The following CDH7 variants were observed in gnomAD, a reference collection of about 807,000 sequenced individuals.
CDH7 encodes the protein cadherin-7.
In CDH7, 25 loss-of-function variants were observed where a neutral mutation model predicts 71.8. The ratio of observed to expected loss-of-function variants is 0.35; its 90% CI spans 0.25 to 0.49. The LOEUF is 0.49. Among genes scored for constraint, CDH7 ranks in the 20% least tolerant of loss-of-function variants. CDH7 has a pLI of 0.99. For synonymous variants in CDH7, 381 were observed against 363.8 expected (o/e 1.05, Z -0.54); for missense variants, 862 against 974.6 (o/e 0.88, Z 1.54).
At chr18:65,871,392 AG>A (rs945395058) in intron 11 of CDH7, among the ~76,000 whole-genome samples, 8 of 152,174 alleles carry the variant, frequency 5.3e-5, no homozygotes, top group African/African-American at 1.9e-4. Context: ...GGCAAGGAGA[AG>A]TAAAGGATCT....
chr18:65,801,501 A>T (rs534713448), intron 2 of CDH7, among the ~76,000 whole-genome samples: 1 of 152,230 alleles, frequency 6.6e-6, no homozygotes, highest in Non-Finnish European at 1.5e-5. Flanking sequence ...CTAAATAAAT[A>T]TTACCGAATA....
chr18:65,766,328 A>T (rs546554003), intron 2 of CDH7, among the ~76,000 whole-genome samples: 1 of 152,152 alleles, frequency 6.6e-6, no homozygotes, highest in South Asian at 2.1e-4. Context: ...TTTGATCATT[A>T]AGACATTGAA....
intron 7 of CDH7, among the ~76,000 whole-genome samples, chr18:65,847,747 C>A (rs1912982256): frequency 6.6e-6 from 1 of 152,092 alleles, no homozygotes; most frequent in Non-Finnish European, 1.5e-5. Context: ...AAAACCCAAA[C>A]CCCAGTAACT....
At chr18:65,876,326 A>C (rs2144064676) in intron 11 of CDH7, among the ~76,000 whole-genome samples, 1 of 152,246 alleles carries the variant, frequency 6.6e-6, no homozygotes, top group South Asian at 2.1e-4. Flanking sequence ...TAGCACTCTA[A>C]CTTCTTTTGT....
chr18:65,770,920 T>C (rs891166171), intron 2 of CDH7, among the ~76,000 whole-genome samples: 2 of 152,174 alleles, frequency 1.3e-5, no homozygotes, highest in African/African-American at 4.8e-5. Flanking sequence ...ATTAGATAAC[T>C]TAAACAATAG....
intron 6 of CDH7, among the ~76,000 whole-genome samples, chr18:65,834,247 A>G (rs1433931340): frequency 6.6e-6 from 1 of 152,238 alleles, no homozygotes; most frequent in Non-Finnish European, 1.5e-5. Context: ...GGAGATGTGT[A>G]GGATGGCTTG....
chr18:65,801,605 A>C (rs751094707), intron 2 of CDH7, among the ~76,000 whole-genome samples: 1 of 152,180 alleles, frequency 6.6e-6, no homozygotes, highest in Non-Finnish European at 1.5e-5. Flanking sequence ...TGAATGGCTA[A>C]GTCACCATCT....
chr18:65,762,726 C>A lies in CDH7; in HGVS notation c.-117C>A. 1 of 741,012 alleles carries A rather than the reference C, an allele frequency of 1.3e-6. No homozygotes were observed. Among genetic ancestry groups the A allele is most frequent in the South Asian group, 1.9e-5 (1 of 53,014 alleles). The allele number at this position is 741,012 out of a possible 1,614,324, so 45.9% of individuals were successfully genotyped here. A position where few individuals can be genotyped will look rare whatever the true frequency, so the allele number is the denominator to read the frequency against. On this transcript the variant is annotated 5_prime_UTR_variant, in exon 2 of 12. Transcript: ENST00000397968. ...AATCCAACACTCTACAGATTATTAT[C>A]TCTGGACTCCCAGCTGACACCCTGC...
intron 2 of CDH7, among the ~76,000 whole-genome samples, chr18:65,776,509 G>A (rs1410309698): frequency 6.6e-6 from 1 of 151,972 alleles, no homozygotes; most frequent in Non-Finnish European, 1.5e-5. Context: ...GAGTTTCCCA[G>A]GAGGCAAGAG....
intron 2 of CDH7, among the ~76,000 whole-genome samples, chr18:65,776,486 A>T (rs1199845345): frequency 6.6e-6 from 1 of 152,054 alleles, no homozygotes; most frequent in Non-Finnish European, 1.5e-5. Context: ...CTGAAAGCTA[A>T]TGAAATCCTT....
chr18:65,860,827 A>G (rs1886944792), intron 10 of CDH7, among the ~76,000 whole-genome samples: 1 of 152,196 alleles, frequency 6.6e-6, no homozygotes. Context: ...AAAAAATTTC[A>G]ATCTCAAAAA....
intron 1 of CDH7, among the ~76,000 whole-genome samples, chr18:65,761,029 G>T (rs1916175733): frequency 1.3e-5 from 2 of 152,144 alleles, no homozygotes. Context: ...GCCCTCTAGG[G>T]TGGTTTCTAA....
At position 65,800,979 on chromosome 18, in the gene CDH7, C is replaced by T. The variant is rs77780256; in HGVS notation, c.211-8725C>T. On this transcript the variant is annotated intron_variant, in intron 2 of 11. Transcript: ENST00000397968. Reference sequence around the variant, plus strand: ...TTCTTTAAAAAGCACTTCCCTGAACCCCGGGCTCAGCTTGGTTTTCCTGCC... The same window carrying T: ...TTCTTTAAAAAGCACTTCCCTGAACTCCGGGCTCAGCTTGGTTTTCCTGCC... 8.2e-3 allele frequency among the ~76,000 whole-genome samples: 1,250 copies of T among 152,232 alleles called. 14 individuals carry two copies. The highest frequency in any genetic ancestry group is 0.028 in the African/African-American group (1,167 of 41,534).
intron 7 of CDH7, among the ~76,000 whole-genome samples, chr18:65,851,014 G>T (rs1258202432): frequency 6.6e-6 from 1 of 151,890 alleles, no homozygotes; most frequent in African/African-American, 2.4e-5. Flanking sequence ...ATGTTGCCTA[G>T]GCTGGTCTCT....
chr18:65,880,517 G>T lies in CDH7; in HGVS notation c.1981G>T (p.Glu661Ter). 1 of 1,613,294 alleles carries T rather than the reference G, an allele frequency of 6.2e-7. No homozygotes were observed. Among genetic ancestry groups the T allele is most frequent in the Non-Finnish European group, 8.5e-7 (1 of 1,179,826 alleles). The change falls in exon 12 of 12, where the codon GAG (glutamate) becomes TAG (stop). Residue 661 changes from glutamate (E) to a stop codon, truncating the protein, a stop_gained. Transcript: ENST00000397968. LOFTEE classifies it high-confidence loss of function. ...VRYDDEGGGEEDTEAFDMAAL... is the reference protein window; with the variant it reads ...VRYDDEGGGE ...ATACGATGACGAGGGCGGGGGAGAG[G>T]AGGACACGGAAGCGTTTGACATGGC...
At chr18:65,781,850 C>CTTTCT (rs1568181610) in intron 2 of CDH7, among the ~76,000 whole-genome samples, 2 of 91,070 alleles carry the variant, frequency 2.2e-5, no homozygotes, top group East Asian at 5.4e-4. Context: ...TTCTTTCTTT[C>CTTTCT]TTTCTTTCTT....
In CDH7 at chr18:65,824,782, A is replaced by G. The variant is rs922508063; in HGVS notation, c.932A>G (p.Lys311Arg). 1.9e-6 allele frequency: 3 copies of G among 1,612,408 alleles called. No individual in the cohort carries two copies. The highest frequency in any genetic ancestry group is 2.5e-6 in the Non-Finnish European group (3 of 1,178,826). The change falls in exon 6 of 12, where the codon AAG (lysine) becomes AGG (arginine). Residue 311 changes from lysine to arginine, a missense_variant. By Grantham distance (26) the Lys-to-Arg change is conservative. Transcript: ENST00000397968. ...IVDGDGLGIFKISVDKETQEG... is the reference protein window; with the variant it reads ...IVDGDGLGIFRISVDKETQEG... ...GATGGTGATGGTTTGGGCATTTTTA[A>G]GATTTCTGTTGACAAAGAAACCCAG...
intron 6 of CDH7, among the ~76,000 whole-genome samples, chr18:65,828,519 T>C (rs1460936898): frequency 6.6e-6 from 1 of 152,160 alleles, no homozygotes; most frequent in African/African-American, 2.4e-5. Flanking sequence ...TTGGTATGTA[T>C]TAAATGCCTA....
intron 11 of CDH7, chr18:65,866,318 AAAAAAAAAAAAAC>A (rs1913754863): frequency 4.0e-4 from 2 of 4,940 alleles, no homozygotes; most frequent in African/African-American, 4.8e-4. Context: ...AAAAAAACAA[AAAAAAAAAAAAAC>A]AAAAAAAAAA....
Sources: allele counts gnomAD v4.1 joint callset (sites outside exome capture counted in the v4.1 genomes callset), GRCh38; gene constraint gnomAD v4.1.1; transcripts MANE v1.5; gene names NCBI Gene and HGNC (gene_info 2026-07-23, HGNC 2026-07-21).